Variants in DMTN observed in about 807,000 individuals in gnomAD.
The protein encoded by DMTN is dematin.
Under a neutral mutation model 59.4 loss-of-function variants are expected in DMTN, and 27 were observed. That is an observed-to-expected ratio of 0.45 (90% CI 0.33 to 0.63). The LOEUF is 0.63. DMTN is among the 20% of genes least tolerant of loss of function. The pLI is 0.02. For missense variants in DMTN, 451 were observed against 528.9 expected, an observed-to-expected ratio of 0.85 and a Z score of 1.45; for synonymous variants, 221 against 203.7, an observed-to-expected ratio of 1.08 and a Z score of -0.72.
upstream of DMTN, among the ~76,000 whole-genome samples, chr8:22,054,462 G>A (rs953148244): frequency 8.5e-5 from 13 of 152,114 alleles, no homozygotes; most frequent in East Asian, 3.9e-4. Context: ...GCCCGCAGCC[G>A]CGTGCCCAGT....
chr8:22,069,531 G>A lies in DMTN; in HGVS notation c.394+13G>A, dbSNP rs759079340. On this transcript the variant is annotated intron_variant, in intron 6 of 15. Coordinates refer to ENST00000358242, the MANE Select transcript of DMTN (RefSeq NM_001387751.1). ...TTCCACCACCCTGGTAGGTCTTCTC[G>A]GCACGACCTCATTGTTTCCTAAGAC... The A allele has an allele frequency of 1.7e-5, 27 of 1,577,390 alleles. No homozygotes were observed. Among genetic ancestry groups the A allele is most frequent in the Middle Eastern group, 1.7e-4 (1 of 5,930 alleles).
rs911934108 is a variant in DMTN, at chr8:22,067,428, G to C, written c.94-99G>C. On this transcript the variant is annotated intron_variant, in intron 3 of 15. Coordinates refer to ENST00000358242, the MANE Select transcript of DMTN (RefSeq NM_001387751.1). ...TAGAATTGTTAACGTCTGCAATGGC[G>C]GTCCATTTTCTTGGTAATTGACGTA... 44 of 1,513,892 alleles carry C rather than the reference G, an allele frequency of 2.9e-5. No individual in the cohort carries two copies. In the African/African-American group the frequency reaches 5.3e-4, roughly 18 times the overall value. 93.8% of individuals were successfully genotyped at this position (1,513,892 alleles called of 1,614,324 possible). A position where few individuals can be genotyped will look rare whatever the true frequency, so the allele number is the denominator to read the frequency against.
In DMTN at chr8:22,058,650, G is replaced by A. The variant is rs1385961600; in HGVS notation, c.-172+1514G>A. ...GGCAGGCCTTGAGCAGGGGGACTCT[G>A]GGCTCCCCACCCACCCAGGCCTGGT... On this transcript the variant is annotated intron_variant, in intron 1 of 15. Transcript: ENST00000358242. This position sits in a 1 kb window ranked among gnomAD's most constrained non-coding sequence, Gnocchi z 4.3. Among the ~76,000 whole-genome samples the A allele has an allele frequency of 1.3e-5, 2 of 152,282 alleles. No individual in the cohort carries two copies. The highest frequency in any genetic ancestry group is 4.1e-4 in the South Asian group (2 of 4,830).
intron 4 of DMTN, among the ~76,000 whole-genome samples, chr8:22,068,287 G>A (rs1189888095): frequency 1.3e-5 from 2 of 152,158 alleles, no homozygotes; most frequent in African/African-American, 4.8e-5. Flanking sequence ...TCCCCAACTG[G>A]TTCCCAGGCT....
In DMTN at chr8:22,069,930, G is replaced by A; in HGVS notation, c.444G>A (p.Lys148=). Residue 148 remains lysine, a synonymous_variant, in exon 7 of 16, where the codon AAG becomes AAA. Coordinates refer to ENST00000358242, the MANE Select transcript of DMTN (RefSeq NM_001387751.1). Reference sequence around the variant, plus strand: ...TCTACAAGAAGCCTCCCATCTATAAGCAGAGAGGTGAGGGCGCCCCTGGCT... The same window carrying A: ...TCTACAAGAAGCCTCCCATCTATAAACAGAGAGGTGAGGGCGCCCCTGGCT... The part of the protein sequence containing the change: ...SNIYKKPPIY[K]QRESVGGSPQ... 6.2e-7 allele frequency: 1 copy of A among 1,614,142 alleles called. No homozygotes were observed. The highest frequency in any genetic ancestry group is 1.3e-5 in the African/African-American group (1 of 75,030).
At chr8:22,050,276 G>C (rs1264374008), upstream of DMTN, among the ~76,000 whole-genome samples, 1 of 152,140 alleles carries the variant, frequency 6.6e-6, no homozygotes, top group African/African-American at 2.4e-5. Flanking sequence ...GGGCCCCCCA[G>C]GTGTAGAAGA....
upstream of DMTN, among the ~76,000 whole-genome samples, chr8:22,055,271 A>C (rs12541768): frequency 0.12 from 18,090 of 152,004 alleles, 1,178 homozygotes; most frequent in Admixed American, 0.15. Flanking sequence ...GAGGGGCAAT[A>C]CAGGGGAGGA....
chr8:22,067,628 G>A lies in DMTN; in HGVS notation c.195G>A (p.Glu65=). 6.2e-7 allele frequency: 1 copy of A among 1,614,148 alleles called. No individual in the cohort carries two copies. The highest frequency in any genetic ancestry group is 2.2e-5 in the East Asian group (1 of 44,864). ...AGCGGCCCGACCTCATGATCTACGA[G>A]CCTCACTTCACTTATTCCCTCCTGG... The part of the protein sequence containing the change: ...DIERPDLMIY[E]PHFTYSLLEH... The change falls in exon 4 of 16, where the codon GAG becomes GAA. Residue 65 remains glutamate, a synonymous_variant. Coordinates refer to ENST00000358242, the MANE Select transcript of DMTN (RefSeq NM_001387751.1).
intron 10 of DMTN, 130 bp from the exon 11 acceptor site, chr8:22,080,050 C>A: frequency 1.0e-6 from 1 of 1,002,270 alleles, no homozygotes; most frequent in Non-Finnish European, 1.5e-6. Flanking sequence ...CTAGCAGAAG[C>A]CCACCAGGTT....
intron 10 of DMTN, among the ~76,000 whole-genome samples, chr8:22,075,186 C>A (rs373638556): frequency 0.061 from 7,950 of 131,106 alleles, 591 homozygotes; most frequent in African/African-American, 0.17. Flanking sequence ...GACTCTGTCT[C>A]AAAAAAAAAA....
intron 12 of DMTN, 39 bp from the exon 13 acceptor site, chr8:22,080,579 T>C (rs1288746689): frequency 1.2e-6 from 2 of 1,612,554 alleles, no homozygotes; most frequent in East Asian, 2.2e-5. Context: ...CCTGCTGACC[T>C]CAGAGCTGCA....
chr8:22,062,602 C>A (rs1043482811), intron 1 of DMTN, among the ~76,000 whole-genome samples: 33 of 152,180 alleles, frequency 2.2e-4, no homozygotes, highest in African/African-American at 7.7e-4. Context: ...TCCAAAACGA[C>A]CCTGCCTTTC....
At position 22,070,214 on chromosome 8, in the gene DMTN, C is replaced by G. The variant is rs1169043527; in HGVS notation, c.484C>G (p.Leu162Val). ...GGGAGGCAGCCCTCAGACCAAGCAC[C>G]TCATCGAGGATCTCATCATCGAGTC... ...SVGGSPQTKH[L>V]IEDLIIESSK... Residue 162 changes from leucine to valine, a missense_variant, in exon 8 of 16, where the codon CTC becomes GTC. Coordinates refer to ENST00000358242, the MANE Select transcript of DMTN (RefSeq NM_001387751.1). 1 of 1,607,038 alleles carries G rather than the reference C, an allele frequency of 6.2e-7. No individual in the cohort carries two copies. The highest frequency in any genetic ancestry group is 8.5e-7 in the Non-Finnish European group (1 of 1,176,300).
chr8:22,067,748 G>A lies in DMTN; in HGVS notation c.249+66G>A, dbSNP rs146485242. ...CCCCCAGCCACACTGGGTGGGGACCGATCCCTCCCGTGCTTCCTTTCCTGG... is the reference window on the plus strand; with the variant it reads ...CCCCCAGCCACACTGGGTGGGGACCAATCCCTCCCGTGCTTCCTTTCCTGG... On this transcript the variant is annotated intron_variant, in intron 4 of 15. Transcript: ENST00000358242. The A allele has an allele frequency of 3.0e-4, 473 of 1,568,560 alleles. 4 individuals are homozygous for A. In the East Asian group the frequency reaches 0.01, roughly 34 times the overall value.
intron 8 of DMTN, 87 bp downstream of exon 8, chr8:22,070,421 C>T (rs1488299832): frequency 2.0e-6 from 3 of 1,468,996 alleles, no homozygotes; most frequent in Non-Finnish European, 2.7e-6. Flanking sequence ...CGTGAACCCA[C>T]TCCCACCCCT....
At chr8:22,078,798 G>GTTTTGTT (rs1554561315) in intron 10 of DMTN, among the ~76,000 whole-genome samples, 3 of 85,092 alleles carry the variant, frequency 3.5e-5, no homozygotes, top group Non-Finnish European at 6.3e-5. Context: ...ATGTCAGACT[G>GTTTTGTT]TTTTTTTTTT....
chr8:22,067,480 A>C (rs764252247), intron 3 of DMTN, 47 bp from the exon 4 acceptor site: 4 of 1,610,654 alleles, frequency 2.5e-6, no homozygotes, highest in Middle Eastern at 3.3e-4. Context: ...CCAGTGTCCT[A>C]GGCGGGGCTT....
rs1182660275 is a variant in DMTN, at chr8:22,060,511, G to A, written c.-172+3375G>A. Among the ~76,000 whole-genome samples the A allele has an allele frequency of 6.6e-6, 1 of 151,996 alleles. No individual in the cohort carries two copies. The highest frequency in any genetic ancestry group is 2.4e-5 in the African/African-American group (1 of 41,354). On this transcript the variant is annotated intron_variant, in intron 1 of 15. Transcript: ENST00000358242. This position sits in a 1 kb window ranked among gnomAD's most constrained non-coding sequence, Gnocchi z 5.0. ...CATTTTCCCGGCTGGCCTTCTGACA[G>A]CTTAAAATTTAACCAGTACAAACAT...
chr8:22,072,132 C>G (rs56349555), intron 8 of DMTN, among the ~76,000 whole-genome samples, 194 bp from the exon 9 acceptor site: 2 of 152,120 alleles, frequency 1.3e-5, no homozygotes, highest in African/African-American at 4.8e-5. Context: ...TCAAGCGATC[C>G]TCCCACCTCA....
Sources: allele counts gnomAD v4.1 joint callset (sites outside exome capture counted in the v4.1 genomes callset), GRCh38; gene constraint gnomAD v4.1.1; non-coding constraint Gnocchi (gnomAD v3.1); transcripts MANE v1.5; gene names NCBI Gene and HGNC (gene_info 2026-07-23, HGNC 2026-07-21).